Variants in TAOK3 observed in about 807,000 individuals in gnomAD.
The protein encoded by TAOK3 is serine/threonine-protein kinase TAO3.
TAOK3 carries 40 observed loss-of-function variants against 120.4 expected under a neutral mutation model. That is an observed-to-expected ratio of 0.33 (90% CI 0.26 to 0.43). The LOEUF (loss-of-function observed/expected upper bound fraction) is 0.43. TAOK3 is among the 20% of genes least tolerant of loss of function. TAOK3 has a pLI of 1.00. For missense variants in TAOK3, 821 were observed against 1,112.1 expected, an observed-to-expected ratio of 0.74 and a Z score of 3.72; for synonymous variants, 355 against 387.5, an observed-to-expected ratio of 0.92 and a Z score of 0.99.
chr12:118,334,755 A>G (rs2044292975), intron 1 of TAOK3, among the ~76,000 whole-genome samples: 1 of 151,762 alleles, frequency 6.6e-6, no homozygotes, highest in Non-Finnish European at 1.5e-5. Flanking sequence ...ACGAGCCTGT[A>G]ATCCCAGCTA....
intron 16 of TAOK3, among the ~76,000 whole-genome samples, chr12:118,176,372 TG>T (rs1356822032): frequency 6.6e-6 from 1 of 152,110 alleles, no homozygotes; most frequent in African/African-American, 2.4e-5. Context: ...GAGATGTCAC[TG>T]AACGAGTAGG....
intron 1 of TAOK3, among the ~76,000 whole-genome samples, chr12:118,362,635 C>T (rs1189780581): frequency 2.6e-5 from 4 of 152,162 alleles, no homozygotes; most frequent in African/African-American, 7.2e-5. Flanking sequence ...CTAAGCCTCC[C>T]TCTCCCAGGC....
chr12:118,350,064 T>C (rs1346291856), intron 1 of TAOK3, among the ~76,000 whole-genome samples: 2 of 152,224 alleles, frequency 1.3e-5, no homozygotes, highest in Non-Finnish European at 2.9e-5. Flanking sequence ...TTTGCATGCC[T>C]AAAATGATTT....
chr12:118,238,215 C>A (rs1360089961), intron 6 of TAOK3, 46 bp from the exon 7 acceptor site: 2 of 1,200,726 alleles, frequency 1.7e-6, no homozygotes, highest in South Asian at 2.5e-5. Flanking sequence ...CAGTTTCATT[C>A]CTCATTTTAT....
chr12:118,367,522 T>C (rs1323763732), intron 1 of TAOK3, among the ~76,000 whole-genome samples: 1 of 151,992 alleles, frequency 6.6e-6, no homozygotes, highest in Non-Finnish European at 1.5e-5. Flanking sequence ...TAGATAAATA[T>C]CACTTATGTT....
At position 118,329,349 on chromosome 12, in the gene TAOK3, G is replaced by A. The variant is rs569944742; in HGVS notation, c.-194+43299C>T. Among the ~76,000 whole-genome samples the A allele has an allele frequency of 3.3e-5, 5 of 152,210 alleles. No individual in the cohort carries two copies. The East Asian group carries it at 9.6e-4, about 29-fold the overall frequency. Reference sequence around the variant, plus strand: ...CCAGAATTAACATGAGAACACACCAGGATTTGTGTCCTGAAGGATACGAAT... The same window carrying A: ...CCAGAATTAACATGAGAACACACCAAGATTTGTGTCCTGAAGGATACGAAT... On this transcript the variant is annotated intron_variant, in intron 1 of 20. Transcript: ENST00000392533.
intron 2 of TAOK3, among the ~76,000 whole-genome samples, chr12:118,256,360 A>C (rs952114260): frequency 1.3e-5 from 2 of 152,204 alleles, no homozygotes; most frequent in Admixed American, 6.5e-5. Context: ...TAACAAACTT[A>C]AATACCGAGT....
intron 9 of TAOK3, among the ~76,000 whole-genome samples, chr12:118,223,666 CAG>C (rs2039363562): frequency 7.3e-6 from 1 of 136,262 alleles, no homozygotes; most frequent in Non-Finnish European, 1.6e-5. Context: ...TTTTTTGAGA[CAG>C]AGTCTCTCTT....
At position 118,314,912 on chromosome 12, in the gene TAOK3, GTTTCTT is replaced by G. The variant is rs534350713; in HGVS notation, c.-193-48159_-193-48154del. On this transcript the variant is annotated intron_variant, in intron 1 of 20. Coordinates refer to ENST00000392533, the MANE Select transcript of TAOK3 (RefSeq NM_016281.4). Reference sequence around the variant, plus strand: ...TGCATGGGCACATGAAGGAGTTTTTGTTTCTTTTTCTTTTTCTTTTTTTTTTTTAAG... The same window carrying G: ...TGCATGGGCACATGAAGGAGTTTTTGTTTCTTTTTCTTTTTTTTTTTTAAG... 7.8e-3 allele frequency among the ~76,000 whole-genome samples: 1,180 copies of G among 151,366 alleles called. 10 individuals are homozygous for G. Among genetic ancestry groups the G allele is most frequent in the Middle Eastern group, 0.041 (12 of 292 alleles).
At chr12:118,318,098 T>C (rs1297927098) in intron 1 of TAOK3, among the ~76,000 whole-genome samples, 3 of 151,768 alleles carry the variant, frequency 2.0e-5, no homozygotes, top group Non-Finnish European at 2.9e-5. Flanking sequence ...TACTTTATAC[T>C]ATATACAAAC....
intron 1 of TAOK3, among the ~76,000 whole-genome samples, chr12:118,298,580 T>C (rs2042765308): frequency 6.6e-6 from 1 of 152,164 alleles, no homozygotes; most frequent in Non-Finnish European, 1.5e-5. Flanking sequence ...TGTGACAGCA[T>C]TATATATAGG....
intron 15 of TAOK3, among the ~76,000 whole-genome samples, chr12:118,180,988 G>T (rs1412508546): frequency 6.6e-6 from 1 of 151,950 alleles, no homozygotes; most frequent in African/African-American, 2.4e-5. Flanking sequence ...GGGATTACAG[G>T]CATGTGCCAC....
intron 1 of TAOK3, among the ~76,000 whole-genome samples, chr12:118,339,169 A>G (rs554521286): frequency 5.7e-4 from 87 of 152,164 alleles, no homozygotes; most frequent in African/African-American, 2.1e-3. Context: ...TCACTTATTA[A>G]GTTAACTCTA....
chr12:118,194,964 G>A lies in TAOK3; in HGVS notation c.1194+4087C>T, dbSNP rs148375899. Among the ~76,000 whole-genome samples, 108 of 152,178 alleles carry A rather than the reference G, an allele frequency of 7.1e-4. 1 individual carries two copies. The highest frequency in any genetic ancestry group is 2.2e-3 in the African/African-American group (90 of 41,518). On this transcript the variant is annotated intron_variant, in intron 13 of 20. Coordinates refer to ENST00000392533, the MANE Select transcript of TAOK3 (RefSeq NM_016281.4). ...GATTTTCACCATATTGGCCAGGCTC[G>A]TCTCGAACTCCTGAACTCTTGATCC...
chr12:118,221,208 T>C (rs1217543841), intron 9 of TAOK3, among the ~76,000 whole-genome samples: 3 of 152,180 alleles, frequency 2.0e-5, no homozygotes, highest in African/African-American at 4.8e-5. Flanking sequence ...TTGTAGAATA[T>C]AGCAGTTTTC....
intron 17 of TAOK3, among the ~76,000 whole-genome samples, chr12:118,171,958 T>C (rs1283509512): frequency 6.6e-6 from 1 of 152,246 alleles, no homozygotes; most frequent in Non-Finnish European, 1.5e-5. Flanking sequence ...GTCTGTTACA[T>C]GTTTTTTTCT....
chr12:118,280,157 G>T (rs1436052235), intron 1 of TAOK3, among the ~76,000 whole-genome samples: 1 of 150,552 alleles, frequency 6.6e-6, no homozygotes, highest in East Asian at 2.0e-4. Context: ...CGCCTCCCGG[G>T]TTCAAGTGAT....
At chr12:118,176,305 T>A (rs925860933) in intron 16 of TAOK3, among the ~76,000 whole-genome samples, 1 of 152,048 alleles carries the variant, frequency 6.6e-6, no homozygotes, top group Non-Finnish European at 1.5e-5. Context: ...AACTGAAAGG[T>A]GACCATGGTG....
intron 1 of TAOK3, among the ~76,000 whole-genome samples, chr12:118,315,205 G>A (rs1284825352): frequency 3.9e-5 from 6 of 152,136 alleles, no homozygotes; most frequent in South Asian, 2.1e-4. Flanking sequence ...GATTACAGGC[G>A]TGAGCCACCA....
Sources: gnomAD v4.1 joint callset for allele counts (sites outside exome capture counted in the v4.1 genomes callset) on GRCh38, gnomAD v4.1.1 for gene constraint, MANE v1.5 for transcripts, NCBI Gene and HGNC (gene_info 2026-07-23, HGNC 2026-07-21) for gene names.